ZNF174: variants seen among roughly 807,000 people sequenced by gnomAD.
ZNF174 encodes the protein zinc finger protein 174.
Under a neutral mutation model 38.7 loss-of-function variants are expected in ZNF174, and 30 were observed. The ratio of observed to expected loss-of-function variants is 0.78; its 90% CI spans 0.58 to 1.05. The LOEUF is 1.05. Among genes scored for constraint, ZNF174 ranks in the 50% least tolerant of loss-of-function variants. The pLI, the probability that ZNF174 is intolerant of heterozygous loss-of-function variation, is 0.00. For synonymous variants in ZNF174, 201 were observed against 181.7 expected (o/e 1.11, Z -0.86); for missense variants, 499 against 495.6 (o/e 1.01, Z -0.06).
rs766496723 is a variant in ZNF174 at position 3,408,738 on chromosome 16, A to C, written c.1043A>C (p.His348Pro). The C allele has an allele frequency of 1.2e-6, 2 of 1,614,188 alleles. No individual in the cohort carries two copies. The highest frequency in any genetic ancestry group is 3.3e-5 in the Admixed American group (2 of 60,016). The change falls in exon 3 of 3, where the codon CAC becomes CCC. Residue 348 changes from histidine to proline, a missense_variant. Transcript: ENST00000268655. ...NSELKRHKRV[H>P]TGERPYTCGE... Reference sequence around the variant, plus strand: ...GAGCTGAAGAGACACAAGAGAGTCCACACAGGAGAGAGACCCTACACGTGC... The same window carrying C: ...GAGCTGAAGAGACACAAGAGAGTCCCCACAGGAGAGAGACCCTACACGTGC...
rs2034080350 is a variant in ZNF174 at position 3,408,202 on chromosome 16, C to A, written c.626-119C>A. ...TGTTTAACAAGTGCTCCAGATGAGTCTAATGCAAGTTGCCAGCGGAGGGCC... is the reference window on the plus strand; with the variant it reads ...TGTTTAACAAGTGCTCCAGATGAGTATAATGCAAGTTGCCAGCGGAGGGCC... On this transcript the variant is annotated intron_variant, in intron 2 of 2. Coordinates refer to ENST00000268655, the MANE Select transcript of ZNF174 (RefSeq NM_003450.3). 9 of 948,472 alleles carry A rather than the reference C, an allele frequency of 9.5e-6. No individual in the cohort carries two copies. In the South Asian group the frequency reaches 1.3e-4, roughly 14 times the overall value. The allele number at this position is 948,472 out of a possible 1,614,324, so 58.8% of individuals were successfully genotyped here.
intron 1 of ZNF174, among the ~76,000 whole-genome samples, chr16:3,402,913 C>A (rs1285693653): frequency 6.6e-6 from 1 of 152,022 alleles, no homozygotes; most frequent in Admixed American, 6.6e-5. Flanking sequence ...CTACTGATAC[C>A]CAGTGAGGCA....
chr16:3,402,391 G>A lies in ZNF174; in HGVS notation c.387G>A (p.Lys129=), dbSNP rs764008067. ...TGGAAGATTTTCACAGAGCATCCAA[G>A]AAACCAAAGCAGTGGGTAAGGAGGG... ...TLVEDFHRAS[K]KPKQWVAVCM... is the part of the protein sequence containing the mutation. The change falls in exon 1 of 3, where the codon AAG becomes AAA. Residue 129 remains lysine, a synonymous_variant. Coordinates refer to ENST00000268655, the MANE Select transcript of ZNF174 (RefSeq NM_003450.3). 7.4e-6 allele frequency: 12 copies of A among 1,613,392 alleles called. No individual in the cohort carries two copies. The South Asian group carries it at 7.7e-5, about 10-fold the overall frequency.
intron 2 of ZNF174, 177 bp downstream of exon 2, chr16:3,404,825 A>T: frequency 5.7e-6 from 9 of 1,579,016 alleles, no homozygotes; most frequent in Non-Finnish European, 6.9e-6. Flanking sequence ...ACTACAAGTA[A>T]GTATGTTTTT....
chr16:3,403,562 C>T (rs2034001132), intron 1 of ZNF174, among the ~76,000 whole-genome samples: 1 of 151,148 alleles, frequency 6.6e-6, no homozygotes. Context: ...TCTCAGCTCG[C>T]TGCAACCTCC....
Position 3,402,384 on chromosome 16 carries a change from C to T in ZNF174, c.380C>T (p.Ala127Val), listed in dbSNP as rs960828514. ...ACCCTCGTGGAAGATTTTCACAGAG[C>T]ATCCAAGAAACCAAAGCAGTGGGTA... ...IVTLVEDFHR[A>V]SKKPKQWVAV... The change falls in exon 1 of 3, where the codon GCA (alanine) becomes GTA (valine). Residue 127 changes from alanine (A) to valine (V), a missense_variant. By Grantham distance (64) the Ala-to-Val change is moderately conservative. Transcript: ENST00000268655. The T allele has an allele frequency of 6.2e-7, 1 of 1,613,670 alleles. No homozygotes were observed. The highest frequency in any genetic ancestry group is 8.5e-7 in the Non-Finnish European group (1 of 1,179,964).
chr16:3,404,098 G>T (rs1310466306), intron 1 of ZNF174, among the ~76,000 whole-genome samples: 1 of 152,130 alleles, frequency 6.6e-6, no homozygotes, highest in Non-Finnish European at 1.5e-5. Flanking sequence ...TAGGTGGGGG[G>T]TGGTGTGTAG....
Position 3,401,858 on chromosome 16 carries a change from A to T in ZNF174, c.-147A>T. 1.0e-6 allele frequency: 1 copy of T among 992,218 alleles called. No individual in the cohort carries two copies. Among genetic ancestry groups the T allele is most frequent in the Admixed American group, 2.5e-5 (1 of 39,584 alleles). 61.5% of individuals were successfully genotyped at this position (992,218 alleles called of 1,614,324 possible). On this transcript the variant is annotated 5_prime_UTR_variant, in exon 1 of 3. Coordinates refer to ENST00000268655, the MANE Select transcript of ZNF174 (RefSeq NM_003450.3). ...TTTGGCTAGTAAAGGCTAGCAAGTG[A>T]GGCTTTGTCTCTGCATCCCGTTCCC... is the stretch of plus-strand genomic sequence containing the variant.
chr16:3,404,614 C>G lies in ZNF174; in HGVS notation c.591C>G (p.Leu197=), dbSNP rs149594029. Residue 197 remains leucine (L), a synonymous_variant, in exon 2 of 3, where the codon CTC becomes CTG. Coordinates refer to ENST00000268655, the MANE Select transcript of ZNF174 (RefSeq NM_003450.3). ...CCCATCATTGGGAGAAATCCCCACTCCTCCAAGAACCAACCCCCAAATTGG... is the reference window on the plus strand; with the variant it reads ...CCCATCATTGGGAGAAATCCCCACTGCTCCAAGAACCAACCCCCAAATTGG... ...LSPHHWEKSP[L]LQEPTPKLAG... is the part of the protein sequence containing the mutation. 6.2e-7 allele frequency: 1 copy of G among 1,614,230 alleles called. No individual in the cohort carries two copies. The highest frequency in any genetic ancestry group is 8.5e-7 in the Non-Finnish European group (1 of 1,180,050).
chr16:3,402,522 T>C (rs1046930794), intron 1 of ZNF174, 116 bp downstream of exon 1: 9 of 1,049,346 alleles, frequency 8.6e-6, no homozygotes, highest in South Asian at 1.6e-5. Flanking sequence ...GCAGTGGCGC[T>C]ATCTCGGCTC....
chr16:3,407,507 T>C (rs1266362851), intron 2 of ZNF174, among the ~76,000 whole-genome samples: 1 of 152,152 alleles, frequency 6.6e-6, no homozygotes, highest in African/African-American at 2.4e-5. Context: ...TGAATTAAAA[T>C]TAAAAAAAAA....
chr16:3,406,721 T>C (rs2034060617), intron 2 of ZNF174, among the ~76,000 whole-genome samples: 1 of 152,252 alleles, frequency 6.6e-6, no homozygotes, highest in African/African-American at 2.4e-5. Context: ...ATTTTGTGGG[T>C]TGTCTCACTT....
chr16:3,401,854 A>G lies in ZNF174; in HGVS notation c.-151A>G, dbSNP rs1353383023. The G allele has an allele frequency of 2.2e-5, 21 of 957,174 alleles. No homozygotes were observed. The highest frequency in any genetic ancestry group is 3.2e-5 in the Non-Finnish European group (21 of 647,588). 59.3% of individuals were successfully genotyped at this position (957,174 alleles called of 1,614,324 possible). A position where few individuals can be genotyped will look rare whatever the true frequency, so the allele number is the denominator to read the frequency against. ...TGAGTTTGGCTAGTAAAGGCTAGCA[A>G]GTGAGGCTTTGTCTCTGCATCCCGT... On this transcript the variant is annotated 5_prime_UTR_variant, in exon 1 of 3. Transcript: ENST00000268655.
At position 3,404,639 on chromosome 16, in the gene ZNF174, G is replaced by T. The variant is rs2034025875; in HGVS notation, c.616G>T (p.Ala206Ser). 3 of 1,614,180 alleles carry T rather than the reference G, an allele frequency of 1.9e-6. No homozygotes were observed. The highest frequency in any genetic ancestry group is 3.3e-4 in the Middle Eastern group (2 of 6,062). Residue 206 changes from alanine to serine, a missense_variant, in exon 2 of 3, where the codon GCT (alanine) becomes TCT (serine). Physicochemically the swap from Ala to Ser is moderately conservative, Grantham distance 99 (BLOSUM62 1). Coordinates refer to ENST00000268655, the MANE Select transcript of ZNF174 (RefSeq NM_003450.3). Reference protein sequence around the residue: ...PLLQEPTPKLAGTEAPRMRSD... With the variant: ...PLLQEPTPKLSGTEAPRMRSD... ...CCTCCAAGAACCAACCCCCAAATTG[G>T]CTGGGACAGGTAAACACTCTGCCTT...
Position 3,409,018 on chromosome 16 carries a change from A to C in ZNF174, c.*99A>C. On this transcript the variant is annotated 3_prime_UTR_variant, in exon 3 of 3. Transcript: ENST00000268655. Reference sequence around the variant, plus strand: ...ACAAAAACTGTGTGACTTACAAGGAAAGCACGAGGCCCTTGAGGAATGATG... The same window carrying C: ...ACAAAAACTGTGTGACTTACAAGGACAGCACGAGGCCCTTGAGGAATGATG... 7.8e-7 allele frequency: 1 copy of C among 1,276,826 alleles called. No homozygotes were observed. The highest frequency in any genetic ancestry group is 1.4e-5 in the South Asian group (1 of 70,070). The allele number at this position is 1,276,826 out of a possible 1,614,324, so 79.1% of individuals were successfully genotyped here.
Position 3,404,561 on chromosome 16 carries a change from C to T in ZNF174, c.538C>T (p.Gln180Ter). The change falls in exon 2 of 3, where the codon CAG becomes TAG. Residue 180 changes from glutamine to a stop codon, truncating the protein, a stop_gained. Coordinates refer to ENST00000268655, the MANE Select transcript of ZNF174 (RefSeq NM_003450.3). LOFTEE classifies it high-confidence loss of function. ...GGAGAGCTCTCCAGCAGAGCCTTCC[C>T]AGGCAGGAGCTTATGACCGGCTGAG... Reference protein sequence around the residue: ...LRESSPAEPSQAGAYDRLSPH... With the variant: ...LRESSPAEPS 1.2e-6 allele frequency: 2 copies of T among 1,614,216 alleles called. No individual in the cohort carries two copies. The highest frequency in any genetic ancestry group is 8.5e-7 in the Non-Finnish European group (1 of 1,180,034).
At chr16:3,403,148 GTCTTTTTTTTTTT>G (rs2033986571) in intron 1 of ZNF174, among the ~76,000 whole-genome samples, 2 of 57,678 alleles carry the variant, frequency 3.5e-5, no homozygotes, top group Non-Finnish European at 6.2e-5. Flanking sequence ...TTAGCTTATA[GTCTTTTTTTTTTT>G]TTTTTTTTTT....
chr16:3,406,009 A>AAAAT (rs932641232), intron 2 of ZNF174, among the ~76,000 whole-genome samples: 1 of 152,226 alleles, frequency 6.6e-6, no homozygotes, highest in Non-Finnish European at 1.5e-5. Flanking sequence ...CCCTGTCTCA[A>AAAAT]AAATAAATAA....
Position 3,401,812 on chromosome 16 carries a change from C to T in ZNF174, c.-193C>T. On this transcript the variant is annotated 5_prime_UTR_variant, in exon 1 of 3. Coordinates refer to ENST00000268655, the MANE Select transcript of ZNF174 (RefSeq NM_003450.3). ...AAGAAGACAAAACTCTTCCCACTCC[C>T]AGGGACCGCGTTGTCTTGAGTTTGG... 1.6e-6 allele frequency: 1 copy of T among 641,448 alleles called. No individual in the cohort carries two copies. The highest frequency in any genetic ancestry group is 2.6e-6 in the Non-Finnish European group (1 of 388,218). The allele number at this position is 641,448 out of a possible 1,614,324, so 39.7% of individuals were successfully genotyped here.
Sources: gnomAD v4.1 joint callset for allele counts (sites outside exome capture counted in the v4.1 genomes callset) on GRCh38, gnomAD v4.1.1 for gene constraint, MANE v1.5 for transcripts, NCBI Gene and HGNC (gene_info 2026-07-23, HGNC 2026-07-21) for gene names.